RNLS: variants seen among roughly 807,000 people sequenced by gnomAD.
The protein encoded by RNLS is renalase.
Under a neutral mutation model 39.8 loss-of-function variants are expected in RNLS, and 39 were observed. That is an observed-to-expected ratio of 0.98 (90% confidence interval 0.76 to 1.28). The LOEUF is 1.28. Among genes scored for constraint, RNLS ranks in the 50% most tolerant of loss-of-function variants. The pLI is 0.00. For missense variants in RNLS, 410 were observed against 413.3 expected (o/e 0.99, Z 0.07); for synonymous variants, 147 against 150.7 (o/e 0.98, Z 0.18).
At chr10:88,200,016 C>G in the RNLS span, among the ~76,000 whole-genome samples, 4 of 152,234 alleles carry the variant, frequency 2.6e-5, no homozygotes, top group African/African-American at 9.6e-5. Flanking sequence ...GTTGTCCCAG[C>G]TACCCAGGAG....
chr10:88,505,410 T>G (rs1325809000), intron 4 of RNLS, among the ~76,000 whole-genome samples: 1 of 150,940 alleles, frequency 6.6e-6, no homozygotes, highest in Non-Finnish European at 1.5e-5. Context: ...TTTGTGAGTG[T>G]GAGTGAGACA....
chr10:88,334,081 C>T (rs1301343213), intron 5 of RNLS, among the ~76,000 whole-genome samples: 1 of 152,160 alleles, frequency 6.6e-6, no homozygotes, highest in Non-Finnish European at 1.5e-5. Flanking sequence ...TTCTGTGAGA[C>T]TATCTCCAGG....
chr10:88,565,183 ATTATAG>A (rs925175116), intron 4 of RNLS, among the ~76,000 whole-genome samples: 4 of 152,174 alleles, frequency 2.6e-5, no homozygotes, highest in African/African-American at 4.8e-5. Context: ...TTTTGTGAAT[ATTATAG>A]TTATAGTGTT....
At chr10:88,513,891 G>A (rs1479902806) in intron 4 of RNLS, among the ~76,000 whole-genome samples, 1 of 152,010 alleles carries the variant, frequency 6.6e-6, no homozygotes, top group Non-Finnish European at 1.5e-5. Context: ...CAATACCAAA[G>A]ATGAAAAGGG....
At chr10:88,218,064 A>T in the RNLS span, among the ~76,000 whole-genome samples, 2 of 152,168 alleles carry the variant, frequency 1.3e-5, no homozygotes, top group Non-Finnish European at 2.9e-5. Flanking sequence ...AGGAAAAAAA[A>T]AATAAAAGAC....
chr10:88,433,828 T>C (rs1314114469), intron 4 of RNLS, among the ~76,000 whole-genome samples: 3 of 152,158 alleles, frequency 2.0e-5, no homozygotes, highest in African/African-American at 7.2e-5. Flanking sequence ...TAAAAGGACC[T>C]AGGTTACAGT....
At chr10:88,200,808 G>C in the RNLS span, among the ~76,000 whole-genome samples, 1 of 152,034 alleles carries the variant, frequency 6.6e-6, no homozygotes, top group South Asian at 2.1e-4. Context: ...GGGTCACTCT[G>C]AATACCATAA....
chr10:88,428,500 G>A (rs1254091488), intron 4 of RNLS, among the ~76,000 whole-genome samples: 2 of 151,972 alleles, frequency 1.3e-5, no homozygotes, highest in African/African-American at 2.4e-5. Flanking sequence ...AGACTGATAA[G>A]ACTGTCCATG....
At chr10:88,262,415 C>T in the RNLS span, among the ~76,000 whole-genome samples, 1 of 152,164 alleles carries the variant, frequency 6.6e-6, no homozygotes, top group Admixed American at 6.5e-5. Context: ...GGTTCTTTCA[C>T]ACATTCAAGT....
chr10:88,290,489 G>C (rs1203540333), intron 6 of RNLS, among the ~76,000 whole-genome samples: 1 of 152,088 alleles, frequency 6.6e-6, no homozygotes, highest in Non-Finnish European at 1.5e-5. Flanking sequence ...TGCAAATTAT[G>C]CCACATTTCA....
At chr10:88,430,657 T>A (rs890713512) in intron 4 of RNLS, among the ~76,000 whole-genome samples, 1 of 151,842 alleles carries the variant, frequency 6.6e-6, no homozygotes, top group Non-Finnish European at 1.5e-5. Context: ...GAAAGTTCCC[T>A]TCTATTCCTG....
At chr10:88,237,218 GTCCCTCCC>G in the RNLS span, among the ~76,000 whole-genome samples, 123 of 119,214 alleles carry the variant, frequency 1.0e-3, 1 homozygote, top group East Asian at 0.031. Flanking sequence ...GACACTTTGA[GTCCCTCCC>G]TCCCTCCCTC....
At chr10:88,481,332 A>G (rs1282822016) in intron 4 of RNLS, among the ~76,000 whole-genome samples, 4 of 151,846 alleles carry the variant, frequency 2.6e-5, no homozygotes, top group Admixed American at 1.3e-4. Flanking sequence ...CTGGACTTAC[A>G]TTTTCCATTT....
chr10:88,504,259 T>G (rs1332664444), intron 4 of RNLS, among the ~76,000 whole-genome samples: 1 of 152,108 alleles, frequency 6.6e-6, no homozygotes. Flanking sequence ...CTACAGTGCA[T>G]GCACAATGGG....
chr10:88,570,158 C>T (rs1849742367), intron 4 of RNLS, among the ~76,000 whole-genome samples: 1 of 152,156 alleles, frequency 6.6e-6, no homozygotes, highest in Non-Finnish European at 1.5e-5. Flanking sequence ...TACTACAGCT[C>T]AATCACTCTC....
At chr10:88,369,462 G>T (rs1292609603) in intron 4 of RNLS, among the ~76,000 whole-genome samples, 1 of 152,150 alleles carries the variant, frequency 6.6e-6, no homozygotes, top group Non-Finnish European at 1.5e-5. Context: ...GCTTTGCCAG[G>T]TGTTGGCAAT....
chr10:88,292,627 T>A (rs1021703634), intron 6 of RNLS, among the ~76,000 whole-genome samples: 1 of 152,034 alleles, frequency 6.6e-6, no homozygotes, highest in African/African-American at 2.4e-5. Flanking sequence ...TTTTACCACT[T>A]TCTTATGTTA....
At chr10:88,261,002 G>T in the RNLS span, among the ~76,000 whole-genome samples, 1 of 152,220 alleles carries the variant, frequency 6.6e-6, no homozygotes, top group Non-Finnish European at 1.5e-5. Flanking sequence ...AGTAGAATTA[G>T]GGGATGGAGA....
chr10:88,297,266 T>G (rs564944859), intron 6 of RNLS, among the ~76,000 whole-genome samples: 2 of 152,326 alleles, frequency 1.3e-5, no homozygotes, highest in African/African-American at 4.8e-5. Flanking sequence ...ACCAGTGATA[T>G]GTGAGAGTTA....
Sources: allele counts gnomAD v4.1 joint callset (sites outside exome capture counted in the v4.1 genomes callset), GRCh38; gene constraint gnomAD v4.1.1; transcripts MANE v1.5; gene names NCBI Gene and HGNC (gene_info 2026-07-23, HGNC 2026-07-21).